The following ADAM22 variants were observed in gnomAD, a reference collection of about 807,000 sequenced individuals.
The protein encoded by ADAM22 is ADAM metallopeptidase domain 22, also known as disintegrin and metalloproteinase domain-containing protein 22.
A neutral mutation model predicts 144.6 loss-of-function variants in ADAM22; 65 were observed. The observed-to-expected ratio is 0.45, with a 90% CI of 0.37 to 0.55. ADAM22 has a LOEUF of 0.55. Ranked by LOEUF, ADAM22 falls within the 20% of genes least tolerant of loss-of-function variation. The pLI is 0.00. For synonymous variants in ADAM22, 391 were observed against 412.6 expected (o/e 0.95, Z 0.63); for missense variants, 974 against 1,184.9 (o/e 0.82, Z 2.61).
intron 3 of ADAM22, among the ~76,000 whole-genome samples, chr7:87,985,635 G>T (rs763774621): frequency 1.3e-5 from 2 of 152,104 alleles, no homozygotes; most frequent in Non-Finnish European, 2.9e-5. Flanking sequence ...TGCTATATGT[G>T]TCAGTTCATT....
chr7:88,168,009 T>C (rs1299491781), intron 24 of ADAM22, 128 bp from the exon 25 acceptor site: 1 of 745,786 alleles, frequency 1.3e-6, no homozygotes, highest in Non-Finnish European at 2.1e-6. Flanking sequence ...ATTTTTTCTT[T>C]CCTTTGAAAA....
chr7:88,191,711 C>T (rs181218620), intron 30 of ADAM22, among the ~76,000 whole-genome samples: 44 of 152,186 alleles, frequency 2.9e-4, no homozygotes, highest in South Asian at 1.0e-3. Flanking sequence ...TACACCCATC[C>T]GCTCGGCAAT....
intron 3 of ADAM22, among the ~76,000 whole-genome samples, chr7:87,983,094 A>G (rs945361433): frequency 6.6e-5 from 10 of 152,028 alleles, no homozygotes; most frequent in African/African-American, 1.5e-4. Flanking sequence ...TAGCTTTATA[A>G]TGTGTTTTAA....
intron 31 of ADAM22, among the ~76,000 whole-genome samples, chr7:88,194,651 A>C (rs1161539474): frequency 6.6e-6 from 1 of 152,072 alleles, no homozygotes; most frequent in Non-Finnish European, 1.5e-5. Context: ...AATGTTGTTC[A>C]TTTGTCCCTC....
chr7:88,091,575 GT>G (rs1310212969), intron 4 of ADAM22, among the ~76,000 whole-genome samples: 2 of 152,046 alleles, frequency 1.3e-5, no homozygotes, highest in African/African-American at 4.8e-5. Context: ...CAGTCTAAGT[GT>G]TTCACATATG....
At chr7:87,952,310 C>T (rs1411614831) in intron 2 of ADAM22, among the ~76,000 whole-genome samples, 18 of 151,760 alleles carry the variant, frequency 1.2e-4, no homozygotes, top group South Asian at 4.2e-4. Context: ...TTTTGAGATA[C>T]GTCCCATCAA....
rs1233937060 is a variant in ADAM22, at chr7:88,181,606, G to A, written c.2596+1G>A. ...CGACCTCGAAGTAACTCTTGGCAAG[G>A]TAGAGGCTGGCATTCTGAATCTGTC... On this transcript the variant is annotated splice_donor_variant, in intron 28 of 31. Transcript: ENST00000413139. LOFTEE classifies it high-confidence loss of function. The A allele has an allele frequency of 1.2e-6, 2 of 1,611,464 alleles. No homozygotes were observed. The highest frequency in any genetic ancestry group is 1.7e-6 in the Non-Finnish European group (2 of 1,177,872).
At chr7:88,082,845 C>A (rs1191603382) in intron 4 of ADAM22, among the ~76,000 whole-genome samples, 1 of 152,020 alleles carries the variant, frequency 6.6e-6, no homozygotes, top group East Asian at 1.9e-4. Flanking sequence ...ACAACAGGTG[C>A]TGGAGAGGAT....
chr7:88,125,791 G>A, intron 8 of ADAM22, 132 bp downstream of exon 8: 1 of 642,318 alleles, frequency 1.6e-6, no homozygotes. Context: ...TAAACCGTAA[G>A]GGTGATGGAT....
At chr7:88,080,962 A>G (rs1264929976) in intron 4 of ADAM22, among the ~76,000 whole-genome samples, 2 of 152,212 alleles carry the variant, frequency 1.3e-5, no homozygotes, top group East Asian at 3.8e-4. Flanking sequence ...ATCAATAGAA[A>G]AAGAGGGAAT....
intron 2 of ADAM22, among the ~76,000 whole-genome samples, chr7:87,953,737 T>C (rs1473092595): frequency 6.6e-6 from 1 of 152,116 alleles, no homozygotes; most frequent in Non-Finnish European, 1.5e-5. Context: ...ATGTTGATAG[T>C]GGGGTGTTAA....
At chr7:88,153,721 C>A (rs762868037) in intron 21 of ADAM22, among the ~76,000 whole-genome samples, 1 of 152,130 alleles carries the variant, frequency 6.6e-6, no homozygotes, top group Non-Finnish European at 1.5e-5. Context: ...TGTCTAGAAG[C>A]CTTAAAGTGA....
chr7:88,195,551 A>T (rs1850486777), intron 31 of ADAM22, among the ~76,000 whole-genome samples: 1 of 152,042 alleles, frequency 6.6e-6, no homozygotes, highest in African/African-American at 2.4e-5. Context: ...AGTCTCGCTC[A>T]GTCGCCCAGG....
intron 3 of ADAM22, among the ~76,000 whole-genome samples, chr7:87,982,048 T>TAC (rs1377564398): frequency 4.2e-5 from 1 of 23,890 alleles, no homozygotes; most frequent in Admixed American, 3.4e-4. Context: ...TTATTTCATA[T>TAC]ATATATATAT....
intron 29 of ADAM22, among the ~76,000 whole-genome samples, chr7:88,182,892 T>C (rs1239982051): frequency 6.6e-6 from 1 of 152,236 alleles, no homozygotes; most frequent in Non-Finnish European, 1.5e-5. Context: ...CTAGCGATAG[T>C]TATTATTTCC....
chr7:88,083,797 A>G (rs1325869370), intron 4 of ADAM22, among the ~76,000 whole-genome samples: 1 of 152,054 alleles, frequency 6.6e-6, no homozygotes, highest in Non-Finnish European at 1.5e-5. Flanking sequence ...AGTTATTCGG[A>G]ACTGAAGATT....
At chr7:87,953,591 T>C (rs1021755853) in intron 2 of ADAM22, among the ~76,000 whole-genome samples, 13 of 152,162 alleles carry the variant, frequency 8.5e-5, no homozygotes, top group Admixed American at 3.3e-4. Flanking sequence ...ATAGGTGTGG[T>C]GTGGTGCTGA....
chr7:88,117,829 GACCACAGGCACAC>G (rs1166901176), intron 7 of ADAM22, among the ~76,000 whole-genome samples: 3 of 151,910 alleles, frequency 2.0e-5, no homozygotes, highest in African/African-American at 7.3e-5. Flanking sequence ...AAGTAGCTGG[GACCACAGGCACAC>G]ACCATTACGC....
chr7:88,053,925 G>A (rs548403841), intron 3 of ADAM22, among the ~76,000 whole-genome samples: 26 of 152,300 alleles, frequency 1.7e-4, no homozygotes, highest in African/African-American at 6.3e-4. Context: ...GAGGTCAGGA[G>A]TTCAAGATCA....
Sources: gnomAD v4.1 joint callset for allele counts (sites outside exome capture counted in the v4.1 genomes callset) on GRCh38, gnomAD v4.1.1 for gene constraint, MANE v1.5 for transcripts, NCBI Gene and HGNC (gene_info 2026-07-23, HGNC 2026-07-21) for gene names.